Variants in ATP9B observed in about 807,000 individuals in gnomAD.
ATP9B encodes the protein ATPase phospholipid transporting 9B.
A neutral mutation model predicts 146.1 loss-of-function variants in ATP9B; 110 were observed. The observed-to-expected ratio is 0.75, with a 90% CI of 0.65 to 0.88. ATP9B has a LOEUF of 0.88. Among genes scored for constraint, ATP9B ranks in the 40% least tolerant of loss-of-function variants. The pLI, the probability that ATP9B is intolerant of heterozygous loss-of-function variation, is 0.00. For missense variants in ATP9B, 1,499 were observed against 1,496.4 expected (o/e 1.00, Z -0.03); for synonymous variants, 604 against 569.7 (o/e 1.06, Z -0.86).
At chr18:79,270,918 G>A (rs1218879629) in intron 12 of ATP9B, among the ~76,000 whole-genome samples, 1 of 152,182 alleles carries the variant, frequency 6.6e-6, no homozygotes, top group Non-Finnish European at 1.5e-5. Flanking sequence ...AAGCCCTGAA[G>A]CACTGTTTCC....
chr18:79,224,712 C>G (rs544637623), intron 11 of ATP9B, among the ~76,000 whole-genome samples: 21 of 152,330 alleles, frequency 1.4e-4, no homozygotes, highest in African/African-American at 4.3e-4. Flanking sequence ...ACAAGGCTCT[C>G]TGCTGAGCAT....
chr18:79,260,964 A>C (rs997787211), intron 12 of ATP9B, among the ~76,000 whole-genome samples: 1 of 152,144 alleles, frequency 6.6e-6, no homozygotes, highest in African/African-American at 2.4e-5. Context: ...CCACCACTGT[A>C]TTTTGGGAGC....
intron 9 of ATP9B, among the ~76,000 whole-genome samples, chr18:79,206,561 G>C (rs2095535284): frequency 6.6e-6 from 1 of 152,098 alleles, no homozygotes; most frequent in Admixed American, 6.6e-5. Context: ...TTGGGAGTCT[G>C]AGATGGGACG....
chr18:79,359,432 C>A lies in ATP9B; in HGVS notation c.2982C>A (p.Leu994=). The change falls in exon 26 of 30, where the codon CTC becomes CTA. Residue 994 remains leucine (L), a synonymous_variant. Coordinates refer to ENST00000426216, the MANE Select transcript of ATP9B (RefSeq NM_198531.5). ...ACGTGAAGCCAGAGATGGCGATGCTCTACCCGGAGCTGTACAAGGACCTCA... is the reference window on the plus strand; with the variant it reads ...ACGTGAAGCCAGAGATGGCGATGCTATACCCGGAGCTGTACAAGGACCTCA... ...DQDVKPEMAM[L]YPELYKDLTK... is the part of the protein sequence containing the mutation. 4 of 1,614,022 alleles carry A rather than the reference C, an allele frequency of 2.5e-6. No individual in the cohort carries two copies. The highest frequency in any genetic ancestry group is 1.1e-5 in the South Asian group (1 of 91,078).
intron 5 of ATP9B, among the ~76,000 whole-genome samples, chr18:79,127,713 T>C (rs1203022782): frequency 6.6e-6 from 1 of 152,248 alleles, no homozygotes; most frequent in Non-Finnish European, 1.5e-5. Context: ...TCATTTATCT[T>C]GGATACATAC....
chr18:79,069,455 G>A lies in ATP9B; in HGVS notation c.45G>A (p.Ala15=), dbSNP rs959844221. ...IPLYPVRSAA[A]AAANRKRAAY... ...TTTACCCGGTGCGTAGCGCAGCGGC[G>A]GCCGCAGCCAACCGCAAACGCGCGG... The change falls in exon 1 of 30, where the codon GCG becomes GCA. Residue 15 remains alanine (A), a synonymous_variant. Coordinates refer to ENST00000426216, the MANE Select transcript of ATP9B (RefSeq NM_198531.5). The A allele has an allele frequency of 4.6e-6, 7 of 1,513,038 alleles. No individual in the cohort carries two copies. Among genetic ancestry groups the A allele is most frequent in the South Asian group, 2.5e-5 (2 of 80,046 alleles). 93.7% of individuals were successfully genotyped at this position (1,513,038 alleles called of 1,614,324 possible).
intron 26 of ATP9B, among the ~76,000 whole-genome samples, chr18:79,369,428 G>C (rs11081532): frequency 1.3e-5 from 2 of 151,336 alleles, no homozygotes; most frequent in African/African-American, 4.9e-5. Flanking sequence ...AGCTACTCGG[G>C]AGGCTGAGGT....
In ATP9B at chr18:79,295,991, T is replaced by A. The variant is rs116085675; in HGVS notation, c.1412-7613T>A. Among the ~76,000 whole-genome samples the A allele has an allele frequency of 6.6e-3, 1,008 of 152,362 alleles. 5 individuals are homozygous for A. Among genetic ancestry groups the A allele is most frequent in the African/African-American group, 0.022 (932 of 41,578 alleles). On this transcript the variant is annotated intron_variant, in intron 13 of 29. Coordinates refer to ENST00000426216, the MANE Select transcript of ATP9B (RefSeq NM_198531.5). ...TATGGTATTTTTTAATTTTAATTTT[T>A]ATTTTTTGAGACAGGGTCTTGCTCT...
chr18:79,332,214 G>A (rs1369632200), intron 17 of ATP9B, among the ~76,000 whole-genome samples: 1 of 152,106 alleles, frequency 6.6e-6, no homozygotes, highest in South Asian at 2.1e-4. Flanking sequence ...CAGATCACGA[G>A]GTCAGGAGAT....
chr18:79,081,328 T>G (rs1196131226), intron 1 of ATP9B, among the ~76,000 whole-genome samples: 1 of 152,166 alleles, frequency 6.6e-6, no homozygotes, highest in African/African-American at 2.4e-5. Context: ...GGATTCAACT[T>G]CTTCCTGGTT....
intron 1 of ATP9B, among the ~76,000 whole-genome samples, chr18:79,070,806 G>A (rs2071647304): frequency 6.6e-6 from 1 of 152,004 alleles, no homozygotes; most frequent in South Asian, 2.1e-4. Context: ...ATTAGATATT[G>A]ATGTCGCCAT....
At chr18:79,110,236 G>A (rs926555044) in intron 2 of ATP9B, 119 bp from the exon 3 acceptor site, 48 of 913,880 alleles carry the variant, frequency 5.3e-5, no homozygotes, top group Non-Finnish European at 6.5e-5. Flanking sequence ...CATTAGGTGT[G>A]CTATTAGTGT....
Position 79,330,114 on chromosome 18 carries a change from T to G in ATP9B, c.2028+10T>G, listed in dbSNP as rs2096782141. The G allele has an allele frequency of 6.2e-7, 1 of 1,612,334 alleles. No homozygotes were observed. Among genetic ancestry groups the G allele is most frequent in the Non-Finnish European group, 8.5e-7 (1 of 1,178,552 alleles). ...CTGGCTGGAAGAGGAGGTATGTGAGTGACTCTAGCGTGGTTCACAGTGTTT... is the reference window on the plus strand; with the variant it reads ...CTGGCTGGAAGAGGAGGTATGTGAGGGACTCTAGCGTGGTTCACAGTGTTT... On this transcript the variant is annotated intron_variant, in intron 17 of 29. Transcript: ENST00000426216.
intron 11 of ATP9B, among the ~76,000 whole-genome samples, chr18:79,229,037 A>G (rs1312802132): frequency 6.6e-6 from 1 of 152,176 alleles, no homozygotes; most frequent in Non-Finnish European, 1.5e-5. Context: ...TCTCAATACA[A>G]GCAAACAAAA....
intron 17 of ATP9B, among the ~76,000 whole-genome samples, chr18:79,334,581 G>A (rs192173630): frequency 3.3e-5 from 5 of 152,002 alleles, no homozygotes; most frequent in Admixed American, 1.3e-4. Flanking sequence ...CACAGCAGAG[G>A]GGGGTGGGGT....
intron 13 of ATP9B, 35 bp from the exon 14 acceptor site, chr18:79,303,569 C>T (rs2096605093): frequency 2.0e-5 from 31 of 1,564,866 alleles, no homozygotes; most frequent in Non-Finnish European, 2.7e-5. Context: ...AGGCCTCCTG[C>T]ATTAATGTGT....
chr18:79,368,139 G>A (rs1469414696), intron 26 of ATP9B, among the ~76,000 whole-genome samples: 1 of 152,266 alleles, frequency 6.6e-6, no homozygotes, highest in African/African-American at 2.4e-5. Flanking sequence ...CCATGGGGCT[G>A]TCTGCGCTGC....
At chr18:79,136,405 G>C (rs932088114) in intron 5 of ATP9B, among the ~76,000 whole-genome samples, 14 of 152,186 alleles carry the variant, frequency 9.2e-5, no homozygotes, top group Non-Finnish European at 1.5e-4. Context: ...CTGGTTTTGA[G>C]CGATTTGATT....
chr18:79,168,865 G>A (rs1458986709), intron 7 of ATP9B, among the ~76,000 whole-genome samples: 1 of 152,054 alleles, frequency 6.6e-6, no homozygotes, highest in African/African-American at 2.4e-5. Flanking sequence ...CAAGCACCCA[G>A]TGTGTGCTTG....
Sources: allele counts gnomAD v4.1 joint callset (sites outside exome capture counted in the v4.1 genomes callset), GRCh38; gene constraint gnomAD v4.1.1; transcripts MANE v1.5; gene names NCBI Gene and HGNC (gene_info 2026-07-23, HGNC 2026-07-21).